The following MAN1A2 variants were observed in gnomAD, a reference collection of about 807,000 sequenced individuals.
MAN1A2 encodes the protein mannosidase alpha class 1A member 2.
Under a neutral mutation model 75.7 loss-of-function variants are expected in MAN1A2, and 26 were observed. The ratio of observed to expected loss-of-function variants is 0.34; its 90% CI spans 0.25 to 0.48. The LOEUF (loss-of-function observed/expected upper bound fraction) is 0.48, where lower values mean the gene tolerates loss of function less well. Among genes scored for constraint, MAN1A2 ranks in the 20% least tolerant of loss-of-function variants. The pLI, the probability that MAN1A2 is intolerant of heterozygous loss-of-function variation, is 0.99. For synonymous variants in MAN1A2, 247 were observed against 264.6 expected, an observed-to-expected ratio of 0.93 and a Z score of 0.65; for missense variants, 562 against 775.5, an observed-to-expected ratio of 0.72 and a Z score of 3.27.
At position 117,446,127 on chromosome 1, in the gene MAN1A2, A is replaced by G. The variant is rs138627796; in HGVS notation, c.950+3802A>G. ...TACCTTTCATCTTTGTAGATTCTAT[A>G]GCAACAACCACTTTCATTCCTGATT... On this transcript the variant is annotated intron_variant, in intron 6 of 12. Transcript: ENST00000356554. 8.4e-4 allele frequency among the ~76,000 whole-genome samples: 128 copies of G among 151,512 alleles called. 1 individual carries two copies. The highest frequency in any genetic ancestry group is 2.9e-3 in the African/African-American group (122 of 41,470).
chr1:117,498,587 A>T (rs1244429859), intron 10 of MAN1A2, among the ~76,000 whole-genome samples: 1 of 151,870 alleles, frequency 6.6e-6, no homozygotes, highest in African/African-American at 2.4e-5. Flanking sequence ...GACATTGCTG[A>T]TGCTGATTCT....
At chr1:117,435,431 G>A (rs1315264564) in intron 5 of MAN1A2, among the ~76,000 whole-genome samples, 1 of 152,172 alleles carries the variant, frequency 6.6e-6, no homozygotes, top group Non-Finnish European at 1.5e-5. Context: ...CACATGTGTG[G>A]TCAATCCTTA....
chr1:117,431,742 A>G (rs1648669992), intron 5 of MAN1A2, among the ~76,000 whole-genome samples: 1 of 152,186 alleles, frequency 6.6e-6, no homozygotes, highest in African/African-American at 2.4e-5. Flanking sequence ...TGAGCTCAGG[A>G]GTTTAAGACC....
chr1:117,457,057 C>G (rs1346001399), intron 6 of MAN1A2, among the ~76,000 whole-genome samples: 1 of 152,080 alleles, frequency 6.6e-6, no homozygotes, highest in Admixed American at 6.6e-5. Context: ...AAGCTTTACT[C>G]CATTCTTTCA....
intron 10 of MAN1A2, among the ~76,000 whole-genome samples, chr1:117,497,550 T>C (rs1301540855): frequency 6.6e-6 from 1 of 151,966 alleles, no homozygotes; most frequent in Non-Finnish European, 1.5e-5. Flanking sequence ...GAAAAGGAGA[T>C]GATTCCTAAA....
intron 12 of MAN1A2, among the ~76,000 whole-genome samples, chr1:117,518,293 A>G (rs1052338583): frequency 3.3e-5 from 5 of 152,124 alleles, no homozygotes; most frequent in African/African-American, 1.2e-4. Context: ...AGATAAAACT[A>G]TTTTTACTTT....
chr1:117,440,081 A>T (rs1281615914), intron 5 of MAN1A2, among the ~76,000 whole-genome samples: 2 of 152,228 alleles, frequency 1.3e-5, no homozygotes, highest in African/African-American at 4.8e-5. Flanking sequence ...TGCAGCCACC[A>T]AAGAGAATGA....
At chr1:117,481,112 T>C (rs1436272042) in intron 8 of MAN1A2, among the ~76,000 whole-genome samples, 3 of 151,946 alleles carry the variant, frequency 2.0e-5, no homozygotes, top group African/African-American at 7.2e-5. Context: ...ATTTATCCAT[T>C]GACCTGTGCT....
At position 117,420,552 on chromosome 1, in the gene MAN1A2, C is replaced by T. The variant is rs1648152548; in HGVS notation, c.775-17C>T. 6.4e-7 allele frequency: 1 copy of T among 1,571,710 alleles called. No homozygotes were observed. The highest frequency in any genetic ancestry group is 2.2e-5 in the East Asian group (1 of 44,598). Reference sequence around the variant, plus strand: ...AGCATTACGTATTTGTGAATGTTTTCAATATGTTTTTCACAGAATTCAGAG... The same window carrying T: ...AGCATTACGTATTTGTGAATGTTTTTAATATGTTTTTCACAGAATTCAGAG... On this transcript the variant is annotated splice_polypyrimidine_tract_variant and intron_variant, in intron 4 of 12. Transcript: ENST00000356554.
At chr1:117,401,965 G>T (rs1322525454) in intron 1 of MAN1A2, among the ~76,000 whole-genome samples, 1 of 152,082 alleles carries the variant, frequency 6.6e-6, no homozygotes, top group Non-Finnish European at 1.5e-5. Flanking sequence ...TCTGGAAATT[G>T]TATAAAGAGA....
Position 117,488,245 on chromosome 1 carries a change from G to A in MAN1A2, c.1169-4902G>A, listed in dbSNP as rs369663368. ...TTTTTTTCTTGAGACAGAGTCTCAC[G>A]TTATTGCCCAGGCTGGAGTGCAGTG... On this transcript the variant is annotated intron_variant, in intron 8 of 12. Coordinates refer to ENST00000356554, the MANE Select transcript of MAN1A2 (RefSeq NM_006699.5). Among the ~76,000 whole-genome samples the A allele has an allele frequency of 2.9e-4, 44 of 150,158 alleles. 2 individuals carry two copies. In the South Asian group the frequency reaches 6.7e-3, roughly 23 times the overall value.
chr1:117,431,677 A>C (rs546681632), intron 5 of MAN1A2, among the ~76,000 whole-genome samples: 1 of 152,202 alleles, frequency 6.6e-6, no homozygotes, highest in Non-Finnish European at 1.5e-5. Context: ...GGCTAGGTGC[A>C]ATGGCTTATG....
In MAN1A2 at chr1:117,462,517, G is replaced by A. The variant is rs74573426; in HGVS notation, c.1074+1905G>A. ...TGGAAGCACAGAACTCCAATTCAGG[G>A]CATACACACAGAGTAGGGTGGTTGG... is the stretch of plus-strand genomic sequence containing the variant. On this transcript the variant is annotated intron_variant, in intron 7 of 12. Transcript: ENST00000356554. Among the ~76,000 whole-genome samples the A allele has an allele frequency of 9.5e-3, 1,442 of 152,188 alleles. 14 individuals are homozygous for A. The highest frequency in any genetic ancestry group is 0.031 in the African/African-American group (1,305 of 41,532).
intron 5 of MAN1A2, among the ~76,000 whole-genome samples, chr1:117,429,525 C>CA (rs1316267290): frequency 0.089 from 2,961 of 33,266 alleles, 571 homozygotes; most frequent in East Asian, 0.22. Flanking sequence ...GCTGGCCGGG[C>CA]GGGGGGCCGA....
intron 8 of MAN1A2, among the ~76,000 whole-genome samples, chr1:117,475,415 C>A (rs529067108): frequency 6.6e-6 from 1 of 151,202 alleles, no homozygotes. Context: ...CATGCCAGAA[C>A]GTGGTTTGTT....
chr1:117,404,474 A>C (rs1647548385), intron 2 of MAN1A2, among the ~76,000 whole-genome samples: 1 of 152,194 alleles, frequency 6.6e-6, no homozygotes, highest in South Asian at 2.1e-4. Context: ...AGTTTGGCTG[A>C]ATCCAAGCCT....
At chr1:117,446,819 C>G (rs1649249978) in intron 6 of MAN1A2, among the ~76,000 whole-genome samples, 1 of 152,010 alleles carries the variant, frequency 6.6e-6, no homozygotes, top group Non-Finnish European at 1.5e-5. Flanking sequence ...GTATATCTTT[C>G]CAGATTTTTT....
rs576733382 is a variant in MAN1A2, at chr1:117,402,911, C to A, written c.558+470C>A. ...CTATACTGTAGATTAAGAACACATT[C>A]CTTCCAAAAAGTCTCCATGGATTGA... On this transcript the variant is annotated intron_variant, in intron 2 of 12. Coordinates refer to ENST00000356554, the MANE Select transcript of MAN1A2 (RefSeq NM_006699.5). Among the ~76,000 whole-genome samples, 12 of 152,102 alleles carry A rather than the reference C, an allele frequency of 7.9e-5. No individual in the cohort carries two copies. The South Asian group carries it at 2.1e-3, about 26-fold the overall frequency.
intron 8 of MAN1A2, among the ~76,000 whole-genome samples, chr1:117,491,942 G>T (rs1228145335): frequency 2.6e-5 from 4 of 152,076 alleles, no homozygotes; most frequent in African/African-American, 9.7e-5. Flanking sequence ...GCAGTCTTAT[G>T]ATAAGACTTG....
Sources: gnomAD v4.1 joint callset for allele counts (sites outside exome capture counted in the v4.1 genomes callset) on GRCh38, gnomAD v4.1.1 for gene constraint, MANE v1.5 for transcripts, NCBI Gene and HGNC (gene_info 2026-07-23, HGNC 2026-07-21) for gene names.